The following PCDHGB7 variants were observed in gnomAD, a reference collection of about 807,000 sequenced individuals.
The protein encoded by PCDHGB7 is protocadherin gamma-B7.
A neutral mutation model predicts 61.4 loss-of-function variants in PCDHGB7; 37 were observed. The observed-to-expected ratio is 0.60, with a 90% CI of 0.46 to 0.79. PCDHGB7 has a LOEUF of 0.79. Ranked by LOEUF, PCDHGB7 falls within the 30% of genes least tolerant of loss-of-function variation. PCDHGB7 has a pLI of 0.00. For missense variants in PCDHGB7, 1,166 were observed against 1,202.5 expected, an observed-to-expected ratio of 0.97 and a Z score of 0.45; for synonymous variants, 464 against 503.5, an observed-to-expected ratio of 0.92 and a Z score of 1.05.
At chr5:141,501,516 C>T (rs763346187) in intron 2 of PCDHGB7, among the ~76,000 whole-genome samples, 1 of 152,010 alleles carries the variant, frequency 6.6e-6, no homozygotes, top group African/African-American at 2.4e-5. Context: ...GGCCTCCAAG[C>T]TGAAGCCCAG....
chr5:141,420,845 G>T (rs1038454602), intron 1 of PCDHGB7, among the ~76,000 whole-genome samples: 4 of 152,200 alleles, frequency 2.6e-5, no homozygotes, highest in Non-Finnish European at 4.4e-5. Context: ...GGTGTTCTTG[G>T]TAAAGTTTTA....
intron 1 of PCDHGB7, chr5:141,492,073 G>C (rs2099736846): frequency 6.2e-6 from 3 of 480,898 alleles, no homozygotes; most frequent in Non-Finnish European, 1.1e-5. Flanking sequence ...CCTAGGCGCC[G>C]GCTCCGGCAC....
chr5:141,485,546 G>C lies in PCDHGB7; in HGVS notation c.2416-9261G>C. The C allele has an allele frequency of 6.2e-7, 1 of 1,614,074 alleles. No individual in the cohort carries two copies. ...GTACCGAGCAGAGGTAGAGATCGTA[G>C]ATGTGAATGATCACGCCCCCCGTTT... is the stretch of plus-strand genomic sequence containing the variant. On this transcript the variant is annotated intron_variant, in intron 1 of 3. Coordinates refer to ENST00000398594, the MANE Select transcript of PCDHGB7 (RefSeq NM_018927.4). The surrounding 1 kb of genome is among the most constrained non-coding windows in gnomAD (Gnocchi z 5.7).
intron 1 of PCDHGB7, among the ~76,000 whole-genome samples, chr5:141,459,690 C>A (rs1338211972): frequency 6.6e-6 from 1 of 152,174 alleles, no homozygotes; most frequent in African/African-American, 2.4e-5. Context: ...ATAAAGCGTT[C>A]CGCTTGCTAC....
intron 1 of PCDHGB7, among the ~76,000 whole-genome samples, chr5:141,434,692 A>G (rs891952554): frequency 8.5e-5 from 13 of 152,082 alleles, no homozygotes; most frequent in African/African-American, 2.4e-4. Flanking sequence ...CTTGCTGTTA[A>G]TAAATATGTG....
In PCDHGB7 at chr5:141,489,198, C is replaced by G; in HGVS notation, c.2416-5609C>G. 1 of 1,392,402 alleles carries G rather than the reference C, an allele frequency of 7.2e-7. No individual in the cohort carries two copies. Among genetic ancestry groups the G allele is most frequent in the South Asian group, 1.4e-5 (1 of 71,348 alleles). The allele number at this position is 1,392,402 out of a possible 1,614,324, so 86.3% of individuals were successfully genotyped here. A position where few individuals can be genotyped will look rare whatever the true frequency, so the allele number is the denominator to read the frequency against. On this transcript the variant is annotated intron_variant, in intron 1 of 3. Coordinates refer to ENST00000398594, the MANE Select transcript of PCDHGB7 (RefSeq NM_018927.4). This position sits in a 1 kb window ranked among gnomAD's most constrained non-coding sequence, Gnocchi z 4.5. ...CCAAGCCCTGGGTCTACCTTGGAGA[C>G]AGGACAGCACAGACTTACTCTCCAC...
At position 141,431,387 on chromosome 5, in the gene PCDHGB7, C is replaced by T; in HGVS notation, c.2415+11113C>T. The T allele has an allele frequency of 1.9e-6, 3 of 1,613,938 alleles. 1 individual carries two copies. The South Asian group carries it at 3.3e-5, about 18-fold the overall frequency. Reference sequence around the variant, plus strand: ...CCGCGAAGAAAAGGCTGCTCACCACCTGGTCCTTACGGCCTCCGACGGGGG... The same window carrying T: ...CCGCGAAGAAAAGGCTGCTCACCACTTGGTCCTTACGGCCTCCGACGGGGG... On this transcript the variant is annotated intron_variant, in intron 1 of 3. Coordinates refer to ENST00000398594, the MANE Select transcript of PCDHGB7 (RefSeq NM_018927.4). This position sits in a 1 kb window ranked among gnomAD's most constrained non-coding sequence, Gnocchi z 4.8.
At chr5:141,481,462 C>T (rs1395867714) in intron 1 of PCDHGB7, among the ~76,000 whole-genome samples, 1 of 152,162 alleles carries the variant, frequency 6.6e-6, no homozygotes. Flanking sequence ...ACACTGAAAA[C>T]CATTGGATTA....
At chr5:141,473,623 A>T (rs186624707) in intron 1 of PCDHGB7, among the ~76,000 whole-genome samples, 8 of 152,280 alleles carry the variant, frequency 5.3e-5, no homozygotes, top group Non-Finnish European at 1.5e-5. Flanking sequence ...GAGGGAGGAA[A>T]AAGCAGCTTT....
intron 1 of PCDHGB7, among the ~76,000 whole-genome samples, chr5:141,483,778 G>T (rs1012545478): frequency 1.6e-4 from 24 of 152,222 alleles, no homozygotes; most frequent in African/African-American, 5.8e-4. Context: ...ATTGGGGAAG[G>T]ATAAGAACTC....
Position 141,477,575 on chromosome 5 carries a change from C to T in PCDHGB7, c.2416-17232C>T. The T allele has an allele frequency of 6.2e-7, 1 of 1,614,176 alleles. No individual in the cohort carries two copies. The highest frequency in any genetic ancestry group is 8.5e-7 in the Non-Finnish European group (1 of 1,180,030). On this transcript the variant is annotated intron_variant, in intron 1 of 3. Coordinates refer to ENST00000398594, the MANE Select transcript of PCDHGB7 (RefSeq NM_018927.4). This position sits in a 1 kb window ranked among gnomAD's most constrained non-coding sequence, Gnocchi z 4.9. ...CCTAAGTGTCTGGGACCCCGACGCC[C>T]CGCAGAATGCTCGGCTTTCTTTCTT... is the stretch of plus-strand genomic sequence containing the variant.
chr5:141,468,348 A>C (rs962230735), intron 1 of PCDHGB7: 2 of 150,318 alleles, frequency 1.3e-5, no homozygotes, highest in African/African-American at 4.9e-5. Context: ...AAAAAAAAAA[A>C]AGAAAGAAAA....
At chr5:141,508,823 G>A (rs1445894402) in intron 3 of PCDHGB7, among the ~76,000 whole-genome samples, 1 of 151,966 alleles carries the variant, frequency 6.6e-6, no homozygotes, top group Admixed American at 6.6e-5. Flanking sequence ...GCCAGATCTG[G>A]GCCCCCCTCC....
In PCDHGB7 at chr5:141,476,331, C is replaced by T; in HGVS notation, c.2416-18476C>T. On this transcript the variant is annotated intron_variant, in intron 1 of 3. Transcript: ENST00000398594. This position sits in a 1 kb window ranked among gnomAD's most constrained non-coding sequence, Gnocchi z 7.6. Reference sequence around the variant, plus strand: ...CGCAGGTTCCGGGTGGTGTCTGGAGCTAGCCGAAGATTCTTTGAGGTGAAC... The same window carrying T: ...CGCAGGTTCCGGGTGGTGTCTGGAGTTAGCCGAAGATTCTTTGAGGTGAAC... 1.2e-6 allele frequency: 2 copies of T among 1,614,156 alleles called. No individual in the cohort carries two copies. Among genetic ancestry groups the T allele is most frequent in the Non-Finnish European group, 1.7e-6 (2 of 1,180,042 alleles).
rs1452697214 is a variant in PCDHGB7, at chr5:141,476,552, G to A, written c.2416-18255G>A. ...CCAGGAAATGAAATTGGAGATTAGCGAGGCCGTGGCTCCGGGGACGCGCTT... is the reference window on the plus strand; with the variant it reads ...CCAGGAAATGAAATTGGAGATTAGCAAGGCCGTGGCTCCGGGGACGCGCTT... On this transcript the variant is annotated intron_variant, in intron 1 of 3. Transcript: ENST00000398594. The surrounding 1 kb of genome is among the most constrained non-coding windows in gnomAD (Gnocchi z 7.6). 1 of 1,614,210 alleles carries A rather than the reference G, an allele frequency of 6.2e-7. No homozygotes were observed. Among genetic ancestry groups the A allele is most frequent in the Non-Finnish European group, 8.5e-7 (1 of 1,180,032 alleles).
intron 2 of PCDHGB7, among the ~76,000 whole-genome samples, chr5:141,498,994 AAGGAAGGAAGG>A (rs2099788184): frequency 2.0e-5 from 3 of 148,560 alleles, no homozygotes; most frequent in Non-Finnish European, 4.5e-5. Flanking sequence ...GGAAGGAAGG[AAGGAAGGAAGG>A]AAGGAAGGAA....
At position 141,485,464 on chromosome 5, in the gene PCDHGB7, G is replaced by A. The variant is rs2099614016; in HGVS notation, c.2416-9343G>A. ...CAATCGACCGAGAGGCACTGTGTGG[G>A]CTCAGTGCCAGCTGCATCGTGCCCC... is the stretch of plus-strand genomic sequence containing the variant. On this transcript the variant is annotated intron_variant, in intron 1 of 3. Coordinates refer to ENST00000398594, the MANE Select transcript of PCDHGB7 (RefSeq NM_018927.4). The surrounding 1 kb of genome is among the most constrained non-coding windows in gnomAD (Gnocchi z 5.7). 6.2e-7 allele frequency: 1 copy of A among 1,614,106 alleles called. No homozygotes were observed. The highest frequency in any genetic ancestry group is 8.5e-7 in the Non-Finnish European group (1 of 1,179,958).
Position 141,505,427 on chromosome 5 carries a change from A to G in PCDHGB7, c.2509A>G (p.Asn837Asp), listed in dbSNP as rs1453435374. Reference protein sequence around the residue: ...QNGDDTGTWPNNQFDTEMLQA... With the variant: ...QNGDDTGTWPDNQFDTEMLQA... The stretch of plus-strand genomic sequence containing the variant: ...TGGCGATGACACCGGCACCTGGCCC[A>G]ACAACCAGTTTGACACAGAGATGCT... The change falls in exon 3 of 4, where the codon AAC (asparagine) becomes GAC (aspartate). Residue 837 changes from asparagine to aspartate, a missense_variant. Physicochemically the swap from Asn to Asp is conservative, Grantham distance 23 (BLOSUM62 1). Coordinates refer to ENST00000398594, the MANE Select transcript of PCDHGB7 (RefSeq NM_018927.4). 1 of 1,614,230 alleles carries G rather than the reference A, an allele frequency of 6.2e-7. No individual in the cohort carries two copies. Among genetic ancestry groups the G allele is most frequent in the East Asian group, 2.2e-5 (1 of 44,878 alleles).
Position 141,476,468 on chromosome 5 carries a change from C to T in PCDHGB7, c.2416-18339C>T. 6.2e-7 allele frequency: 1 copy of T among 1,614,132 alleles called. No homozygotes were observed. Among genetic ancestry groups the T allele is most frequent in the Non-Finnish European group, 8.5e-7 (1 of 1,180,022 alleles). On this transcript the variant is annotated intron_variant, in intron 1 of 3. Coordinates refer to ENST00000398594, the MANE Select transcript of PCDHGB7 (RefSeq NM_018927.4). The surrounding 1 kb of genome is among the most constrained non-coding windows in gnomAD (Gnocchi z 7.6). ...GTTGGTAGTGGAGAACCCGCTGGAG[C>T]TGTTCAGCGTGGAAGTGGTGATCCA...
Sources: allele counts gnomAD v4.1 joint callset (sites outside exome capture counted in the v4.1 genomes callset), GRCh38; gene constraint gnomAD v4.1.1; non-coding constraint Gnocchi (gnomAD v3.1); transcripts MANE v1.5; gene names NCBI Gene and HGNC (gene_info 2026-07-23, HGNC 2026-07-21).